Variants in LGALS14 observed in about 807,000 individuals in gnomAD.
LGALS14 encodes galectin 14.
LGALS14 carries 14 observed loss-of-function variants against 14.6 expected under a neutral mutation model. The observed-to-expected ratio is 0.96, with a 90% CI of 0.64 to 1.50. The LOEUF (loss-of-function observed/expected upper bound fraction) is 1.50, where lower values mean the gene tolerates loss of function less well. LGALS14 is among the 40% of genes most tolerant of loss of function. LGALS14 has a pLI of 0.00. For synonymous variants in LGALS14, 57 were observed against 63.9 expected (o/e 0.89, Z 0.51); for missense variants, 180 against 172.0 (o/e 1.05, Z -0.26).
intron 1 of LGALS14, chr19:39,706,026 C>A: frequency 6.2e-7 from 1 of 1,613,136 alleles, no homozygotes. Flanking sequence ...GTACATCCCA[C>A]ACACAGGGGT....
At position 39,709,347 on chromosome 19, in the gene LGALS14, C is replaced by T. The variant is rs774378374; in HGVS notation, c.*34C>T. Reference sequence around the variant, plus strand: ...ATCAGACTCCTCATTGTTGAGGAATCCCTCTTTCTACCTGACCATGGGATT... The same window carrying T: ...ATCAGACTCCTCATTGTTGAGGAATTCCTCTTTCTACCTGACCATGGGATT... On this transcript the variant is annotated 3_prime_UTR_variant, in exon 4 of 4. Transcript: ENST00000392052. 11 of 1,228,980 alleles carry T rather than the reference C, an allele frequency of 9.0e-6. No homozygotes were observed. The highest frequency in any genetic ancestry group is 4.5e-5 in the African/African-American group (3 of 67,110). 76.1% of individuals were successfully genotyped at this position (1,228,980 alleles called of 1,614,324 possible).
chr19:39,708,587 C>T (rs756035721), intron 3 of LGALS14, among the ~76,000 whole-genome samples: 41 of 152,188 alleles, frequency 2.7e-4, no homozygotes, highest in Non-Finnish European at 4.7e-4. Flanking sequence ...TTTTGGCTTT[C>T]TCTAATGAGT....
chr19:39,707,470 A>G, intron 3 of LGALS14, 82 bp downstream of exon 3: 2 of 1,104,942 alleles, frequency 1.8e-6, no homozygotes, highest in South Asian at 1.3e-5. Context: ...TGGTGCCACC[A>G]GTCCCTTGGG....
At chr19:39,709,105 G>C (rs146578755) in intron 3 of LGALS14, 92 bp from the exon 4 acceptor site, 10 of 812,554 alleles carry the variant, frequency 1.2e-5, no homozygotes, top group Admixed American at 8.7e-5. Flanking sequence ...AGTTTTCATG[G>C]GGAAGGTTAT....
At chr19:39,706,775 C>A in intron 2 of LGALS14, 102 bp downstream of exon 2, 1 of 1,003,636 alleles carries the variant, frequency 1.0e-6, no homozygotes, top group Middle Eastern at 2.1e-4. Flanking sequence ...CTCTAGTTGG[C>A]ATAATGAAGG....
chr19:39,706,805 C>G (rs1973721048), intron 2 of LGALS14, 132 bp downstream of exon 2: 1 of 779,584 alleles, frequency 1.3e-6, no homozygotes, highest in Non-Finnish European at 2.2e-6. Context: ...AGTGCAGGCC[C>G]TGGAGACCTT....
At position 39,707,364 on chromosome 19, in the gene LGALS14, C is replaced by T. The variant is rs773885489; in HGVS notation, c.279C>T (p.Ile93=). 1.2e-6 allele frequency: 2 copies of T among 1,614,056 alleles called. No homozygotes were observed. The highest frequency in any genetic ancestry group is 4.5e-5 in the East Asian group (2 of 44,884). The change falls in exon 3 of 4, where the codon ATC becomes ATT. Residue 93 remains isoleucine, a synonymous_variant. Transcript: ENST00000392052. ...ATGGCAAACCATTTGAGCTGTGCAT[C>T]TATGTGCGTCACAAGGAATACAAGG... The part of the protein sequence containing the change: ...FEDGKPFELC[I]YVRHKEYKVM...
intron 3 of LGALS14, among the ~76,000 whole-genome samples, chr19:39,708,890 G>T (rs1973757056): frequency 6.6e-6 from 1 of 152,200 alleles, no homozygotes; most frequent in African/African-American, 2.4e-5. Flanking sequence ...AGGGTCTCAA[G>T]TTCCTGAGAC....
intron 3 of LGALS14, among the ~76,000 whole-genome samples, chr19:39,708,462 A>G (rs1303850116): frequency 6.6e-6 from 1 of 152,192 alleles, no homozygotes; most frequent in African/African-American, 2.4e-5. Context: ...ATAATTAGAA[A>G]AAAATGAAAA....
rs377486415 is a variant in LGALS14 at position 39,709,399 on chromosome 19, C to G, written c.*86C>G. 406 of 755,002 alleles carry G rather than the reference C, an allele frequency of 5.4e-4. 5 individuals carry two copies. In the South Asian group the frequency reaches 5.5e-3, roughly 10 times the overall value. The allele number at this position is 755,002 out of a possible 1,614,324, so 46.8% of individuals were successfully genotyped here. A position where few individuals can be genotyped will look rare whatever the true frequency, so the allele number is the denominator to read the frequency against. On this transcript the variant is annotated 3_prime_UTR_variant, in exon 4 of 4. Transcript: ENST00000392052. ...CCAGAGCCTACTAACAGAATAATCC[C>G]TCCTCACCCCTTCCCCTACACTTGA...
At chr19:39,706,704 G>T (rs1295615658) in intron 2 of LGALS14, 31 bp downstream of exon 2, 2 of 1,517,726 alleles carry the variant, frequency 1.3e-6, no homozygotes, top group Non-Finnish European at 1.8e-6. Flanking sequence ...TGGAGGGGGT[G>T]GAGGAGAGAA....
At position 39,707,300 on chromosome 19, in the gene LGALS14, G is replaced by T. The variant is rs753845050; in HGVS notation, c.215G>T (p.Trp72Leu). 1.9e-6 allele frequency: 3 copies of T among 1,614,108 alleles called. No homozygotes were observed. Among genetic ancestry groups the T allele is most frequent in the African/African-American group, 1.3e-5 (1 of 75,058 alleles). Residue 72 changes from tryptophan (W) to leucine (L), a missense_variant, in exon 3 of 4, where the codon TGG becomes TTG. Trp to Leu is a moderately conservative substitution (Grantham distance 61, BLOSUM62 -2). Transcript: ENST00000392052. ...ATGAACAGTTGTGTGTTTGGCATAT[G>T]GAGATATGAGGAGAAATGCTACTAT... The part of the protein sequence containing the change: ...AIMNSCVFGI[W>L]RYEEKCYYLP...
chr19:39,706,466 T>C (rs1973715988), intron 1 of LGALS14, 131 bp from the exon 2 acceptor site: 1 of 692,486 alleles, frequency 1.4e-6, no homozygotes, highest in East Asian at 2.5e-5. Flanking sequence ...GCCCTGACTG[T>C]GGTAGGGTGA....
At chr19:39,705,819 T>C in intron 1 of LGALS14, 1 of 1,528,216 alleles carries the variant, frequency 6.5e-7, no homozygotes, top group South Asian at 1.2e-5. Flanking sequence ...CATATCAGCC[T>C]GGGTGACAGA....
At chr19:39,705,997 C>T in intron 1 of LGALS14, 1 of 1,613,824 alleles carries the variant, frequency 6.2e-7, no homozygotes. Flanking sequence ...GTCCATTGCC[C>T]TTGATGATTG....
At chr19:39,708,855 C>A (rs1973756421) in intron 3 of LGALS14, among the ~76,000 whole-genome samples, 1 of 152,180 alleles carries the variant, frequency 6.6e-6, no homozygotes, top group Non-Finnish European at 1.5e-5. Context: ...CGCACTAACC[C>A]TCTGGCAGGT....
In LGALS14 at chr19:39,707,375, A is replaced by T; in HGVS notation, c.290A>T (p.His97Leu). ...KPFELCIYVRHKEYKVMVNGQ... is the reference protein window; with the variant it reads ...KPFELCIYVRLKEYKVMVNGQ... ...TTTGAGCTGTGCATCTATGTGCGTC[A>T]CAAGGAATACAAGGTGAGTACTTCA... The change falls in exon 3 of 4, where the codon CAC becomes CTC. Residue 97 changes from histidine (H) to leucine (L), a missense_variant. Coordinates refer to ENST00000392052, the MANE Select transcript of LGALS14 (RefSeq NM_020129.3). 1.2e-6 allele frequency: 2 copies of T among 1,613,720 alleles called. No individual in the cohort carries two copies. Among genetic ancestry groups the T allele is most frequent in the Non-Finnish European group, 1.7e-6 (2 of 1,179,726 alleles).
Position 39,707,388 on chromosome 19 carries a change from G to A in LGALS14, c.303G>A (p.Lys101=), listed in dbSNP as rs1216491529. The stretch of plus-strand genomic sequence containing the variant: ...TCTATGTGCGTCACAAGGAATACAA[G>A]GTGAGTACTTCAGGATCTTCCAGCG... ...LCIYVRHKEY[K]VMVNGQRIYN... The change falls in exon 3 of 4, where the codon AAG becomes AAA. Residue 101 remains lysine (K), a splice_region_variant and synonymous_variant. Coordinates refer to ENST00000392052, the MANE Select transcript of LGALS14 (RefSeq NM_020129.3). 30 of 1,613,084 alleles carry A rather than the reference G, an allele frequency of 1.9e-5. No individual in the cohort carries two copies. In the Middle Eastern group the frequency reaches 8.3e-4, roughly 44 times the overall value.
Position 39,709,399 on chromosome 19 carries a change from C to T in LGALS14, c.*86C>T. On this transcript the variant is annotated 3_prime_UTR_variant, in exon 4 of 4. Coordinates refer to ENST00000392052, the MANE Select transcript of LGALS14 (RefSeq NM_020129.3). ...CCAGAGCCTACTAACAGAATAATCC[C>T]TCCTCACCCCTTCCCCTACACTTGA... is the stretch of plus-strand genomic sequence containing the variant. 1 of 755,004 alleles carries T rather than the reference C, an allele frequency of 1.3e-6. No homozygotes were observed. Among genetic ancestry groups the T allele is most frequent in the Non-Finnish European group, 2.4e-6 (1 of 424,726 alleles). 46.8% of individuals were successfully genotyped at this position (755,004 alleles called of 1,614,324 possible). A position where few individuals can be genotyped will look rare whatever the true frequency, so the allele number is the denominator to read the frequency against.
Sources: gnomAD v4.1 joint callset for allele counts (sites outside exome capture counted in the v4.1 genomes callset) on GRCh38, gnomAD v4.1.1 for gene constraint, MANE v1.5 for transcripts, NCBI Gene and HGNC (gene_info 2026-07-23, HGNC 2026-07-21) for gene names.